The following RASGRF1 variants were observed in gnomAD, a reference collection of about 807,000 sequenced individuals.
The protein encoded by RASGRF1 is ras-specific guanine nucleotide-releasing factor 1.
In RASGRF1, 40 loss-of-function variants were observed where a neutral mutation model predicts 138.7. That is an observed-to-expected ratio of 0.29 (90% confidence interval 0.22 to 0.38). The LOEUF is 0.38. Among genes scored for constraint, RASGRF1 ranks in the 10% least tolerant of loss-of-function variants. RASGRF1 has a pLI of 1.00. For missense variants in RASGRF1, 1,108 were observed against 1,650.4 expected (o/e 0.67, Z 5.69); for synonymous variants, 614 against 663.2 (o/e 0.93, Z 1.14).
intron 24 of RASGRF1, 66 bp downstream of exon 24, chr15:78,980,554 G>C (rs904872675): frequency 3.5e-5 from 47 of 1,343,912 alleles, no homozygotes; most frequent in Middle Eastern, 1.8e-4. Context: ...GGGGCGGCAC[G>C]TGAATGCCTC....
At chr15:78,978,057 C>T (rs2055909793) in intron 24 of RASGRF1, among the ~76,000 whole-genome samples, 1 of 151,928 alleles carries the variant, frequency 6.6e-6, no homozygotes, top group African/African-American at 2.4e-5. Context: ...AAGGGGCACA[C>T]ATAGTTAGGG....
Position 79,004,024 on chromosome 15 carries a change from G to C in RASGRF1, c.2227C>G (p.Leu743Val). 6.2e-7 allele frequency: 1 copy of C among 1,614,194 alleles called. No homozygotes were observed. Among genetic ancestry groups the C allele is most frequent in the Non-Finnish European group, 8.5e-7 (1 of 1,180,028 alleles). ...SSPSRRRKLS[L>V]NIPIITGGKA... ...CCGCCAGTGATGATGGGGATGTTCA[G>C]GGAGAGCTTCCGCCGGCGGCTCGGT... The change falls in exon 15 of 27, where the codon CTG becomes GTG. Residue 743 changes from leucine to valine, a missense_variant. Around this residue, in one of 3 missense-constraint regions of RASGRF1, gnomAD observed 686 missense variants for 976.7 expected, o/e 0.70. Coordinates refer to ENST00000558480, the MANE Select transcript of RASGRF1 (RefSeq NM_001145648.3).
chr15:78,978,215 C>CTTTTTTTTTTTT (rs2055915117), intron 24 of RASGRF1, among the ~76,000 whole-genome samples: 4 of 79,340 alleles, frequency 5.0e-5, no homozygotes, highest in African/African-American at 2.0e-4. Flanking sequence ...TTTTTCTTTT[C>CTTTTTTTTTTTT]TTTTGTTTTT....
At chr15:79,013,081 T>C (rs1310946651) in intron 13 of RASGRF1, among the ~76,000 whole-genome samples, 1 of 152,234 alleles carries the variant, frequency 6.6e-6, no homozygotes, top group East Asian at 1.9e-4. Flanking sequence ...TTTTATTGGA[T>C]TATTGAAACG....
At chr15:79,065,115 A>G (rs538314729) in intron 1 of RASGRF1, among the ~76,000 whole-genome samples, 3 of 152,334 alleles carry the variant, frequency 2.0e-5, no homozygotes, top group African/African-American at 7.2e-5. Flanking sequence ...ATACTGTTAT[A>G]TGAGTTAAAT....
chr15:78,996,879 G>A (rs570727677), intron 19 of RASGRF1, among the ~76,000 whole-genome samples: 17 of 152,244 alleles, frequency 1.1e-4, no homozygotes, highest in Non-Finnish European at 2.1e-4. Context: ...TGGGGAGGAT[G>A]TCTGGGCACT....
Position 78,962,108 on chromosome 15 carries a change from TC to T in RASGRF1, c.*35del. The T allele has an allele frequency of 1.5e-6, 2 of 1,325,064 alleles. No individual in the cohort carries two copies. The highest frequency in any genetic ancestry group is 2.1e-6 in the Non-Finnish European group (2 of 935,174). The allele number at this position is 1,325,064 out of a possible 1,614,324, so 82.1% of individuals were successfully genotyped here. A position where few individuals can be genotyped will look rare whatever the true frequency, so the allele number is the denominator to read the frequency against. On this transcript the variant is annotated 3_prime_UTR_variant, in exon 27 of 27. Transcript: ENST00000558480. ...TATGTACAGTATCATCTAGCACATGTCCCCGGGAGCAGCTGGGTCTGGGCTG... is the reference window on the plus strand; with the variant it reads ...TATGTACAGTATCATCTAGCACATGTCCCGGGAGCAGCTGGGTCTGGGCTG...
At chr15:79,066,480 GT>G (rs1405932441) in intron 1 of RASGRF1, among the ~76,000 whole-genome samples, 1 of 152,264 alleles carries the variant, frequency 6.6e-6, no homozygotes, top group African/African-American at 2.4e-5. Context: ...GCACAGTGGA[GT>G]TGCTGGGTCT....
Position 78,999,746 on chromosome 15 carries a change from C to T in RASGRF1, c.2743G>A (p.Ala915Thr), listed in dbSNP as rs774730191. 7 of 1,613,420 alleles carry T rather than the reference C, an allele frequency of 4.3e-6. No individual in the cohort carries two copies. Among genetic ancestry groups the T allele is most frequent in the African/African-American group, 4.0e-5 (3 of 74,910 alleles). ...GAGTGGAGAACACCCCACATACCTG[C>T]ACTGGCTAAGGACATCCTCCGGTAC... is the stretch of plus-strand genomic sequence containing the variant. ...EKYRRMSLAS[A>T]GFPPDQRNGD... is the part of the protein sequence containing the mutation. The change falls in exon 17 of 27, where the codon GCA (alanine) becomes ACA (threonine). Residue 915 changes from alanine to threonine, a missense_variant. Ala to Thr is a moderately conservative substitution (Grantham distance 58, BLOSUM62 0). Around this residue, in one of 3 missense-constraint regions of RASGRF1, gnomAD observed 686 missense variants for 976.7 expected, o/e 0.70. Coordinates refer to ENST00000558480, the MANE Select transcript of RASGRF1 (RefSeq NM_001145648.3).
chr15:78,976,469 T>G (rs2055873009), intron 24 of RASGRF1, among the ~76,000 whole-genome samples: 1 of 152,208 alleles, frequency 6.6e-6, no homozygotes, highest in South Asian at 2.1e-4. Flanking sequence ...AAAACCATCC[T>G]GGGCCATATG....
intron 1 of RASGRF1, among the ~76,000 whole-genome samples, chr15:79,083,259 C>T (rs903763423): frequency 6.6e-6 from 1 of 152,232 alleles, no homozygotes; most frequent in Non-Finnish European, 1.5e-5. Context: ...GGGGTGTCCA[C>T]ACCTCCCAGC....
chr15:78,978,811 G>A (rs1402921185), intron 24 of RASGRF1: 2 of 1,167,918 alleles, frequency 1.7e-6, no homozygotes, highest in Non-Finnish European at 2.2e-6. Flanking sequence ...TGTGTGCCCT[G>A]CCTATGTCTC....
intron 4 of RASGRF1, 73 bp downstream of exon 4, chr15:79,049,423 G>C (rs2057399236): frequency 1.4e-6 from 2 of 1,425,502 alleles, no homozygotes; most frequent in South Asian, 2.4e-5. Context: ...CTGTGGTGTG[G>C]ATACTGCCAA....
chr15:79,011,012 C>T (rs574072435), intron 13 of RASGRF1, among the ~76,000 whole-genome samples: 1 of 152,274 alleles, frequency 6.6e-6, no homozygotes, highest in East Asian at 1.9e-4. Flanking sequence ...GGAACTGTGC[C>T]AGAAACTCAG....
chr15:78,976,559 A>AACACACACACACACACAC (rs58602180), intron 24 of RASGRF1, among the ~76,000 whole-genome samples: 19 of 148,758 alleles, frequency 1.3e-4, no homozygotes, highest in Non-Finnish European at 2.4e-4. Context: ...CACTCAATCA[A>AACACACACACACACACAC]ACACACACAC....
Position 78,995,810 on chromosome 15 carries a change from A to G in RASGRF1, c.2967-10T>C. The G allele has an allele frequency of 1.2e-6, 2 of 1,614,088 alleles. No individual in the cohort carries two copies. Among genetic ancestry groups the G allele is most frequent in the Non-Finnish European group, 1.7e-6 (2 of 1,180,000 alleles). On this transcript the variant is annotated splice_polypyrimidine_tract_variant and intron_variant, in intron 19 of 26. Transcript: ENST00000558480. ...CTCCTGGGTCAGAGTCCTAGGCAGG[A>G]GCGAGAAGGCACGGTGAGCCCCACT...
At position 79,090,252 on chromosome 15, in the gene RASGRF1, G is replaced by C. The variant is rs2058037118; in HGVS notation, c.247C>G (p.Leu83Val). 1.2e-6 allele frequency: 2 copies of C among 1,609,430 alleles called. No homozygotes were observed. The highest frequency in any genetic ancestry group is 1.3e-5 in the African/African-American group (1 of 74,892). ...CDRAPSPKPA[L>V]SAKEPLEKQH... is the part of the protein sequence containing the mutation. ...TTCTCCAGCGGCTCCTTGGCCGACA[G>C]CGCCGGCTTGGGGGAGGGCGCGCGG... The change falls in exon 1 of 27, where the codon CTG becomes GTG. Residue 83 changes from leucine (L) to valine (V), a missense_variant. Transcript: ENST00000558480.
Position 79,025,318 on chromosome 15 carries a change from G to A in RASGRF1, c.1538C>T (p.Thr513Ile). Residue 513 changes from threonine (T) to isoleucine (I), a missense_variant, in exon 10 of 27, where the codon ACC (threonine) becomes ATC (isoleucine). Around this residue, in one of 3 missense-constraint regions of RASGRF1, gnomAD observed 686 missense variants for 976.7 expected, o/e 0.70. Coordinates refer to ENST00000558480, the MANE Select transcript of RASGRF1 (RefSeq NM_001145648.3). ...TRGSGGKLHL[T>I]KNGVISLIDC... The stretch of plus-strand genomic sequence containing the variant: ...CCCCTCTCCCGTAGCCCTTACCTTG[G>A]TCAAGTGAAGCTTCCCTCCAGAGCC... 2 of 1,607,978 alleles carry A rather than the reference G, an allele frequency of 1.2e-6. No individual in the cohort carries two copies. The highest frequency in any genetic ancestry group is 1.7e-6 in the Non-Finnish European group (2 of 1,175,698).
At chr15:79,036,715 G>A (rs904628285) in intron 5 of RASGRF1, among the ~76,000 whole-genome samples, 5 of 152,066 alleles carry the variant, frequency 3.3e-5, no homozygotes, top group Admixed American at 6.5e-5. Context: ...CTGCTTTGCA[G>A]AGAAACAGGT....
Sources: gnomAD v4.1 joint callset for allele counts (sites outside exome capture counted in the v4.1 genomes callset) on GRCh38, gnomAD v4.1.1 for gene constraint, gnomAD v4.1.1 regional missense constraint, MANE v1.5 for transcripts, NCBI Gene and HGNC (gene_info 2026-07-23, HGNC 2026-07-21) for gene names.